HLA-DQB2: variants seen among roughly 807,000 people sequenced by gnomAD.
HLA-DQB2 encodes the protein HLA class II histocompatibility antigen, DQ beta 2 chain.
HLA-DQB2 carries 24 observed loss-of-function variants against 29.2 expected under a neutral mutation model. That is an observed-to-expected ratio of 0.82 (90% CI 0.60 to 1.16). The LOEUF is 1.16. HLA-DQB2 is among the 50% of genes most tolerant of loss of function. The pLI is 0.00. For missense variants in HLA-DQB2, 273 were observed against 343.6 expected (o/e 0.79, Z 1.62); for synonymous variants, 104 against 133.1 (o/e 0.78, Z 1.51).
At chr6:32,761,521 T>A in intron 2 of HLA-DQB2, 139 bp downstream of exon 2, 3 of 972,056 alleles carry the variant, frequency 3.1e-6, no homozygotes, top group Non-Finnish European at 4.4e-6. Context: ...TACCCCAGCC[T>A]CCAAATCCCC....
chr6:32,757,018 T>G, intron 5 of HLA-DQB2: 1 of 1,304,978 alleles, frequency 7.7e-7, no homozygotes. Flanking sequence ...ACTCCGCTCA[T>G]GCTCTTCTTT....
chr6:32,756,541 C>A, intron 5 of HLA-DQB2, 75 bp from the exon 6 acceptor site: 1 of 1,542,616 alleles, frequency 6.5e-7, no homozygotes, highest in East Asian at 2.4e-5. Flanking sequence ...TCCTCAGTTC[C>A]CTCTGTAGCA....
intron 2 of HLA-DQB2, among the ~76,000 whole-genome samples, chr6:32,759,890 T>C (rs1764628843): frequency 6.6e-6 from 1 of 152,212 alleles, no homozygotes; most frequent in Non-Finnish European, 1.5e-5. Context: ...AGCACCCCAA[T>C]TAAATGGCAC....
chr6:32,758,026 C>T (rs1176927957), intron 3 of HLA-DQB2, 143 bp from the exon 4 acceptor site: 11 of 632,486 alleles, frequency 1.7e-5, no homozygotes, highest in Non-Finnish European at 2.8e-5. Context: ...TCTTTGGACA[C>T]AATAGGTGGG....
chr6:32,762,430 A>C (rs1244841339), intron 1 of HLA-DQB2, among the ~76,000 whole-genome samples: 1 of 147,264 alleles, frequency 6.8e-6, no homozygotes, highest in Non-Finnish European at 1.5e-5. Flanking sequence ...AGACCAAGTA[A>C]ACCCATGCCT....
Position 32,761,869 on chromosome 6 carries a change from A to C in HLA-DQB2, c.155T>G (p.Val52Gly). Residue 52 changes from valine to glycine, a missense_variant, in exon 2 of 6, where the codon GTG (valine) becomes GGG (glycine). By Grantham distance (109) the Val-to-Gly change is moderately radical. Coordinates refer to ENST00000437316, the MANE Select transcript of HLA-DQB2 (RefSeq NM_001300790.2). ...MCYFTNGTER[V>G]RGVARYIYNR... is the part of the protein sequence containing the mutation. The stretch of plus-strand genomic sequence containing the variant: ...ATAGATGTATCTGGCCACACCGCGC[A>C]CGCGCTCTGTCCCGTTGGTGAAGTA... 1 of 1,612,272 alleles carries C rather than the reference A, an allele frequency of 6.2e-7. No homozygotes were observed. The highest frequency in any genetic ancestry group is 8.5e-7 in the Non-Finnish European group (1 of 1,179,290).
chr6:32,761,855 TG>T lies in HLA-DQB2; in HGVS notation c.168del (p.Arg57AspfsTer22). Reference sequence around the variant, plus strand: ...TACTCCTCGCGGTTATAGATGTATCTGGCCACACCGCGCACGCGCTCTGTCC... The same window carrying T: ...TACTCCTCGCGGTTATAGATGTATCTGCCACACCGCGCACGCGCTCTGTCC... The part of the protein sequence containing the change: ...TNGTERVRGV[A>X]RYIYNREEYG... On this transcript the variant is annotated frameshift_variant, in exon 2 of 6. Coordinates refer to ENST00000437316, the MANE Select transcript of HLA-DQB2 (RefSeq NM_001300790.2). LOFTEE classifies it high-confidence loss of function. 6.2e-7 allele frequency: 1 copy of T among 1,611,484 alleles called. No individual in the cohort carries two copies.
chr6:32,757,726 G>T (rs751716558), intron 4 of HLA-DQB2, 47 bp downstream of exon 4: 79 of 1,484,944 alleles, frequency 5.3e-5, no homozygotes, highest in Non-Finnish European at 2.8e-6. Context: ...TGAATAGAGG[G>T]TCTGGGTCAC....
In HLA-DQB2 at chr6:32,761,739, C is replaced by G; in HGVS notation, c.285G>C (p.Leu95Phe). The G allele has an allele frequency of 2.6e-6, 4 of 1,557,674 alleles. No individual in the cohort carries two copies. The highest frequency in any genetic ancestry group is 3.5e-6 in the Non-Finnish European group (4 of 1,150,752). ...IEDWNNYKDF[L>F]EQERAAVDKV... ...TGTCCACCGCGGCCCGCTCCTGCTCCAAGAAGTCCTTATAGTTGTTCCAGT... is the reference window on the plus strand; with the variant it reads ...TGTCCACCGCGGCCCGCTCCTGCTCGAAGAAGTCCTTATAGTTGTTCCAGT... Residue 95 changes from leucine to phenylalanine, a missense_variant, in exon 2 of 6, where the codon TTG becomes TTC. Leu to Phe is a conservative substitution (Grantham distance 22). Coordinates refer to ENST00000437316, the MANE Select transcript of HLA-DQB2 (RefSeq NM_001300790.2).
chr6:32,761,642 A>G lies in HLA-DQB2; in HGVS notation c.364+18T>C, dbSNP rs1407273281. The G allele has an allele frequency of 1.5e-5, 23 of 1,539,262 alleles. No homozygotes were observed. The highest frequency in any genetic ancestry group is 1.9e-5 in the Non-Finnish European group (22 of 1,143,780). Reference sequence around the variant, plus strand: ...CCCCGGCCAAGGGTGAGCCCCGCGGAAGGACGACGACGCTCACCTTGCCGC... The same window carrying G: ...CCCCGGCCAAGGGTGAGCCCCGCGGGAGGACGACGACGCTCACCTTGCCGC... On this transcript the variant is annotated intron_variant, in intron 2 of 5. Coordinates refer to ENST00000437316, the MANE Select transcript of HLA-DQB2 (RefSeq NM_001300790.2).
At chr6:32,763,317 C>T in intron 1 of HLA-DQB2, 57 bp downstream of exon 1, 1 of 998,340 alleles carries the variant, frequency 1.0e-6, no homozygotes, top group Non-Finnish European at 1.6e-6. Context: ...ATACTCCAAC[C>T]CAAGGAGAGC....
chr6:32,762,062 G>T, intron 1 of HLA-DQB2, 136 bp from the exon 2 acceptor site: 1 of 1,214,100 alleles, frequency 8.2e-7, no homozygotes, highest in Non-Finnish European at 1.1e-6. Flanking sequence ...TGAGTTCTTG[G>T]CTGGGCCCGT....
chr6:32,756,486 C>A lies in HLA-DQB2; in HGVS notation c.782-20G>T. 1 of 1,568,548 alleles carries A rather than the reference C, an allele frequency of 6.4e-7. No homozygotes were observed. Among genetic ancestry groups the A allele is most frequent in the African/African-American group, 1.4e-5 (1 of 73,950 alleles). ...GGAGTCCTGGAGAAGAGAGACGAGGCATGATCAGCACAGGGTACCCTGAGG... is the reference window on the plus strand; with the variant it reads ...GGAGTCCTGGAGAAGAGAGACGAGGAATGATCAGCACAGGGTACCCTGAGG... On this transcript the variant is annotated intron_variant, in intron 5 of 5. Coordinates refer to ENST00000437316, the MANE Select transcript of HLA-DQB2 (RefSeq NM_001300790.2).
At position 32,761,653 on chromosome 6, in the gene HLA-DQB2, C is replaced by T. The variant is rs765420190; in HGVS notation, c.364+7G>A. The T allele has an allele frequency of 1.9e-6, 3 of 1,544,372 alleles. No homozygotes were observed. Among genetic ancestry groups the T allele is most frequent in the African/African-American group, 1.4e-5 (1 of 73,112 alleles). On this transcript the variant is annotated splice_region_variant and intron_variant, in intron 2 of 5. Transcript: ENST00000437316. ...GGTGAGCCCCGCGGAAGGACGACGA[C>T]GCTCACCTTGCCGCTGCAAGGTCGT...
Position 32,756,372 on chromosome 6 carries a change from C to A in HLA-DQB2, c.*81G>T. 1 of 885,096 alleles carries A rather than the reference C, an allele frequency of 1.1e-6. No homozygotes were observed. The highest frequency in any genetic ancestry group is 1.9e-6 in the Non-Finnish European group (1 of 533,304). The allele number at this position is 885,096 out of a possible 1,614,324, so 54.8% of individuals were successfully genotyped here. On this transcript the variant is annotated 3_prime_UTR_variant, in exon 6 of 6. Transcript: ENST00000437316. ...CTGACCTCAGTGGGACAGGGTGACA[C>A]AGGCAGCTAGGAATTCTGGGCAGGG...
chr6:32,756,383 G>A lies in HLA-DQB2; in HGVS notation c.*70C>T. On this transcript the variant is annotated 3_prime_UTR_variant, in exon 6 of 6. Coordinates refer to ENST00000437316, the MANE Select transcript of HLA-DQB2 (RefSeq NM_001300790.2). ...GGGACAGGGTGACACAGGCAGCTAG[G>A]AATTCTGGGCAGGGGCAGGTGGGCA... 1 of 962,290 alleles carries A rather than the reference G, an allele frequency of 1.0e-6. No homozygotes were observed. The highest frequency in any genetic ancestry group is 2.5e-5 in the East Asian group (1 of 40,184). The allele number at this position is 962,290 out of a possible 1,614,324, so 59.6% of individuals were successfully genotyped here.
At chr6:32,762,825 C>A (rs1764966290) in intron 1 of HLA-DQB2, among the ~76,000 whole-genome samples, 1 of 152,134 alleles carries the variant, frequency 6.6e-6, no homozygotes, top group Non-Finnish European at 1.5e-5. Context: ...CAACTCAGGT[C>A]CCTGAATCCC....
chr6:32,756,402 G>T lies in HLA-DQB2; in HGVS notation c.*51C>A. The T allele has an allele frequency of 9.0e-7, 1 of 1,108,468 alleles. No homozygotes were observed. The highest frequency in any genetic ancestry group is 1.4e-6 in the Non-Finnish European group (1 of 732,688). The allele number at this position is 1,108,468 out of a possible 1,614,324, so 68.7% of individuals were successfully genotyped here. Reference sequence around the variant, plus strand: ...AGCTAGGAATTCTGGGCAGGGGCAGGTGGGCATTACAGAAGAGTGATGACC... The same window carrying T: ...AGCTAGGAATTCTGGGCAGGGGCAGTTGGGCATTACAGAAGAGTGATGACC... On this transcript the variant is annotated 3_prime_UTR_variant, in exon 6 of 6. Transcript: ENST00000437316.
At chr6:32,762,002 AG>A in intron 1 of HLA-DQB2, 76 bp from the exon 2 acceptor site, 1 of 1,540,130 alleles carries the variant, frequency 6.5e-7, no homozygotes, top group Non-Finnish European at 8.8e-7. Flanking sequence ...CGCACCCTTC[AG>A]CCGCTGCCCT....
Sources: allele counts gnomAD v4.1 joint callset (sites outside exome capture counted in the v4.1 genomes callset), GRCh38; gene constraint gnomAD v4.1.1; transcripts MANE v1.5; gene names NCBI Gene and HGNC (gene_info 2026-07-23, HGNC 2026-07-21).